CXADR: variants seen among roughly 807,000 people sequenced by gnomAD.
The protein encoded by CXADR is CXADR cell adhesion molecule, also known as coxsackievirus and adenovirus receptor.
In CXADR, 20 loss-of-function variants were observed where a neutral mutation model predicts 40.3. The observed-to-expected ratio is 0.50, with a 90% CI of 0.35 to 0.72. The LOEUF (loss-of-function observed/expected upper bound fraction) is 0.72, where lower values mean the gene tolerates loss of function less well. Ranked by LOEUF, CXADR falls within the 30% of genes least tolerant of loss-of-function variation. CXADR has a pLI of 0.01. For synonymous variants in CXADR, 150 were observed against 161.3 expected (o/e 0.93, Z 0.53); for missense variants, 332 against 449.1 (o/e 0.74, Z 2.36).
chr21:17,599,759 C>T, the CXADR span, among the ~76,000 whole-genome samples: 3 of 152,250 alleles, frequency 2.0e-5, no homozygotes, highest in Admixed American at 6.5e-5. Flanking sequence ...GGTTTATAGG[C>T]GTGAGCCATC....
In CXADR at chr21:17,567,124, A is replaced by C; in HGVS notation, c.*1432A>C. On this transcript the variant is annotated 3_prime_UTR_variant, in exon 7 of 7. Transcript: ENST00000284878. ...ATGAGCCAACAGTTTCTTTATAATAAATACGGTCTGCAATAAATTATTTCA... is the reference window on the plus strand; with the variant it reads ...ATGAGCCAACAGTTTCTTTATAATACATACGGTCTGCAATAAATTATTTCA... The C allele has an allele frequency of 1.0e-6, 1 of 984,186 alleles. No individual in the cohort carries two copies. The highest frequency in any genetic ancestry group is 1.2e-6 in the Non-Finnish European group (1 of 828,828). 61.0% of individuals were successfully genotyped at this position (984,186 alleles called of 1,614,324 possible).
At chr21:17,622,280 C>G in the CXADR span, among the ~76,000 whole-genome samples, 1 of 152,136 alleles carries the variant, frequency 6.6e-6, no homozygotes, top group East Asian at 1.9e-4. Flanking sequence ...GTTCCCACCC[C>G]ACCCCAGCCC....
chr21:17,590,218 G>T (rs1481753728), intron 7 of CXADR, among the ~76,000 whole-genome samples: 1 of 114,566 alleles, frequency 8.7e-6, no homozygotes, highest in Non-Finnish European at 1.8e-5. Context: ...AGAAATTTTT[G>T]TAGCTAGGTA....
intron 3 of CXADR, among the ~76,000 whole-genome samples, chr21:17,556,805 G>A (rs545537920): frequency 6.6e-6 from 1 of 152,234 alleles, no homozygotes; most frequent in African/African-American, 2.4e-5. Context: ...CAGATGAAGG[G>A]GAATACAATT....
intron 1 of CXADR, among the ~76,000 whole-genome samples, chr21:17,517,747 T>C (rs2060478889): frequency 6.6e-6 from 1 of 152,198 alleles, no homozygotes; most frequent in Non-Finnish European, 1.5e-5. Context: ...AGGCACTCGC[T>C]TAACTCTATA....
the CXADR span, among the ~76,000 whole-genome samples, chr21:17,602,004 G>A: frequency 6.6e-6 from 1 of 152,074 alleles, no homozygotes; most frequent in African/African-American, 2.4e-5. Flanking sequence ...ATGTGCAGTC[G>A]ATATCTTAGG....
chr21:17,537,255 T>A (rs1235020287), intron 1 of CXADR, among the ~76,000 whole-genome samples: 1 of 152,248 alleles, frequency 6.6e-6, no homozygotes, highest in East Asian at 1.9e-4. Flanking sequence ...ACAATCTCAC[T>A]GTTGTGGTTC....
At chr21:17,560,116 C>T (rs1468622906) in intron 4 of CXADR, among the ~76,000 whole-genome samples, 1 of 151,988 alleles carries the variant, frequency 6.6e-6, no homozygotes, top group Non-Finnish European at 1.5e-5. Context: ...AAAAGAAAAC[C>T]CGTGTGACAC....
rs183090818 is a variant in CXADR at position 17,547,534 on chromosome 21, C to T, written c.210+341C>T. Among the ~76,000 whole-genome samples the T allele has an allele frequency of 9.2e-5, 14 of 152,266 alleles. No homozygotes were observed. In the East Asian group the frequency reaches 2.3e-3, roughly 25 times the overall value. On this transcript the variant is annotated intron_variant, in intron 2 of 6. Transcript: ENST00000284878. ...AGAGGCCTAGATGGAGCAGGCATGA[C>T]GTTGAGACAGGAGTGTGTGTTGTGT...
At chr21:17,597,413 G>T (rs1482014546), downstream of CXADR, among the ~76,000 whole-genome samples, 1 of 151,620 alleles carries the variant, frequency 6.6e-6, no homozygotes, top group Non-Finnish European at 1.5e-5. Flanking sequence ...AATATTTATG[G>T]CAAGGTTTTT....
intron 1 of CXADR, among the ~76,000 whole-genome samples, chr21:17,541,634 T>C (rs62239881): frequency 7.4e-6 from 1 of 135,372 alleles, no homozygotes; most frequent in African/African-American, 2.7e-5. Context: ...TTTTTTTTTT[T>C]ACTCTCTGTA....
At chr21:17,536,631 T>G (rs946499485) in intron 1 of CXADR, among the ~76,000 whole-genome samples, 1 of 152,194 alleles carries the variant, frequency 6.6e-6, no homozygotes, top group Admixed American at 6.5e-5. Context: ...GTTAAGTTAG[T>G]ATGTGCTTCA....
intron 4 of CXADR, among the ~76,000 whole-genome samples, chr21:17,560,125 A>G (rs2249449): frequency 0.48 from 72,298 of 151,958 alleles, 20,739 homozygotes; most frequent in Non-Finnish European, 0.63. Context: ...CCCGTGTGAC[A>G]CTAACTAGAA....
intron 1 of CXADR, among the ~76,000 whole-genome samples, chr21:17,545,545 G>C (rs183766582): frequency 6.6e-6 from 1 of 152,098 alleles, no homozygotes; most frequent in African/African-American, 2.4e-5. Context: ...TCCTGCCTCA[G>C]CCTCCTGAGT....
the CXADR span, among the ~76,000 whole-genome samples, chr21:17,603,503 C>G: frequency 3.9e-5 from 6 of 152,282 alleles, 1 homozygote; most frequent in East Asian, 9.6e-4. Flanking sequence ...TGTAATTCAT[C>G]TCTCCTGTCT....
the CXADR span, chr21:17,626,884 A>G: frequency 6.6e-6 from 1 of 152,188 alleles, no homozygotes; most frequent in South Asian, 2.1e-4. Flanking sequence ...TTCCCCCATT[A>G]TCATATAGGT....
At chr21:17,548,335 T>C (rs896947014) in intron 2 of CXADR, among the ~76,000 whole-genome samples, 2 of 152,136 alleles carry the variant, frequency 1.3e-5, no homozygotes, top group East Asian at 3.9e-4. Flanking sequence ...AAGTTGTGAG[T>C]GACTAGAGCC....
At chr21:17,560,140 A>C (rs2061095766) in intron 4 of CXADR, among the ~76,000 whole-genome samples, 1 of 152,170 alleles carries the variant, frequency 6.6e-6, no homozygotes, top group Non-Finnish European at 1.5e-5. Context: ...CTAGAAAGTT[A>C]CAAATTGGCC....
chr21:17,593,369 T>C (rs2061460392), exon 8 of CXADR: 1 of 487,250 alleles, frequency 2.1e-6, no homozygotes, highest in African/African-American at 2.0e-5. Context: ...ATGTCAAAAT[T>C]AGTACGAGCC....
Sources: allele counts gnomAD v4.1 joint callset (sites outside exome capture counted in the v4.1 genomes callset), GRCh38; gene constraint gnomAD v4.1.1; transcripts MANE v1.5; gene names NCBI Gene and HGNC (gene_info 2026-07-23, HGNC 2026-07-21).